CTNNA3: variants seen among roughly 807,000 people sequenced by gnomAD.
CTNNA3 encodes catenin alpha-3.
In CTNNA3, 76 loss-of-function variants were observed where a neutral mutation model predicts 95.7. The ratio of observed to expected loss-of-function variants is 0.79; its 90% CI spans 0.66 to 0.96. The LOEUF is 0.96. Among genes scored for constraint, CTNNA3 ranks in the 40% least tolerant of loss-of-function variants. The pLI, the probability that CTNNA3 is intolerant of heterozygous loss-of-function variation, is 0.00. For synonymous variants in CTNNA3, 431 were observed against 374.4 expected (o/e 1.15, Z -1.74); for missense variants, 1,191 against 1,089.8 (o/e 1.09, Z -1.31).
At chr10:67,371,011 C>T (rs918457850) in intron 5 of CTNNA3, among the ~76,000 whole-genome samples, 25 of 149,630 alleles carry the variant, frequency 1.7e-4, no homozygotes, top group African/African-American at 5.3e-4. Context: ...GGACTACAGG[C>T]GCCCGCCGCT....
At chr10:66,245,076 C>T (rs1166725113) in intron 13 of CTNNA3, among the ~76,000 whole-genome samples, 1 of 152,154 alleles carries the variant, frequency 6.6e-6, no homozygotes, top group Admixed American at 6.5e-5. Flanking sequence ...CGCTACCAGC[C>T]TAGATCCCAT....
chr10:67,051,759 T>C (rs1172641203), intron 7 of CTNNA3, among the ~76,000 whole-genome samples: 1 of 2,746 alleles, frequency 3.6e-4, no homozygotes. Flanking sequence ...TATCCTACAA[T>C]TTTTTTTTTT....
intron 7 of CTNNA3, among the ~76,000 whole-genome samples, chr10:66,864,942 T>A (rs1327249536): frequency 2.0e-5 from 3 of 152,156 alleles, no homozygotes; most frequent in Non-Finnish European, 2.9e-5. Context: ...CATTTAGATA[T>A]TTTATAGGAT....
At chr10:65,921,669 G>A (rs1487358751) in intron 17 of CTNNA3, among the ~76,000 whole-genome samples, 2 of 152,288 alleles carry the variant, frequency 1.3e-5, no homozygotes, top group African/African-American at 4.8e-5. Context: ...CCCAATCACA[G>A]GGCAGTGTGA....
At chr10:67,676,696 A>G (rs139994915) in intron 1 of CTNNA3, among the ~76,000 whole-genome samples, 2,397 of 152,280 alleles carry the variant, frequency 0.016, 64 homozygotes, top group Non-Finnish European at 0.017. Flanking sequence ...CCCATAGTTC[A>G]GTGAGACCCT....
chr10:66,953,160 C>T (rs1345871548), intron 7 of CTNNA3, among the ~76,000 whole-genome samples: 2 of 152,150 alleles, frequency 1.3e-5, no homozygotes, highest in East Asian at 3.9e-4. Context: ...AGTTGAGCCT[C>T]GCTGATGGGC....
At chr10:66,973,159 T>C (rs1372637137) in intron 7 of CTNNA3, among the ~76,000 whole-genome samples, 3 of 152,208 alleles carry the variant, frequency 2.0e-5, no homozygotes, top group Non-Finnish European at 4.4e-5. Flanking sequence ...GATTTCATAG[T>C]CTTGTAATCT....
intron 9 of CTNNA3, among the ~76,000 whole-genome samples, chr10:66,643,725 T>A (rs1319697240): frequency 6.6e-6 from 1 of 152,220 alleles, no homozygotes; most frequent in African/African-American, 2.4e-5. Context: ...CATTAACAAT[T>A]ACAAGTATTT....
At chr10:66,534,574 A>T (rs2132059217) in intron 10 of CTNNA3, among the ~76,000 whole-genome samples, 1 of 149,676 alleles carries the variant, frequency 6.7e-6, no homozygotes, top group Admixed American at 6.7e-5. Context: ...AGAGAAATAA[A>T]ATTCCCTGAG....
chr10:66,489,748 AG>A (rs1316536526), intron 11 of CTNNA3, among the ~76,000 whole-genome samples: 3 of 152,210 alleles, frequency 2.0e-5, no homozygotes, highest in African/African-American at 7.2e-5. Flanking sequence ...TAGATACTTC[AG>A]GAAGGAGCCA....
At chr10:66,573,371 G>T (rs1190379652) in intron 10 of CTNNA3, among the ~76,000 whole-genome samples, 2 of 152,174 alleles carry the variant, frequency 1.3e-5, no homozygotes, top group Non-Finnish European at 2.9e-5. Flanking sequence ...TACCAGGGTT[G>T]CTCGCAGCCC....
chr10:66,464,919 C>G (rs1017227715), intron 11 of CTNNA3, among the ~76,000 whole-genome samples: 2 of 151,978 alleles, frequency 1.3e-5, no homozygotes, highest in African/African-American at 4.8e-5. Context: ...TAAACATAAG[C>G]TCTCTATTCA....
chr10:66,499,203 G>T (rs905577179), intron 11 of CTNNA3, among the ~76,000 whole-genome samples: 1 of 152,114 alleles, frequency 6.6e-6, no homozygotes, highest in Admixed American at 6.6e-5. Context: ...AGCCTCATTT[G>T]CCACCAAAAC....
chr10:67,028,234 T>C (rs963654370), intron 7 of CTNNA3, among the ~76,000 whole-genome samples: 2 of 152,196 alleles, frequency 1.3e-5, no homozygotes, highest in African/African-American at 4.8e-5. Context: ...GGTTTGTCAT[T>C]GTTTGTTTGT....
chr10:66,758,560 C>G (rs961733955), intron 9 of CTNNA3, among the ~76,000 whole-genome samples: 8 of 152,104 alleles, frequency 5.3e-5, no homozygotes, highest in African/African-American at 1.9e-4. Context: ...TGCTTGTTAC[C>G]TCTTGACCAA....
At chr10:66,660,786 T>C (rs1846236334) in intron 9 of CTNNA3, among the ~76,000 whole-genome samples, 1 of 152,126 alleles carries the variant, frequency 6.6e-6, no homozygotes, top group Non-Finnish European at 1.5e-5. Flanking sequence ...CTACTCTCAT[T>C]ATCCCATATC....
At chr10:66,766,009 G>GGGAAAAAAAAAA in intron 9 of CTNNA3, 1 of 353,644 alleles carries the variant, frequency 2.8e-6, no homozygotes, top group Non-Finnish European at 5.1e-6. Flanking sequence ...TATTTGTAAG[G>GGGAAAAAAAAAA]ATAAATCAAA....
intron 7 of CTNNA3, among the ~76,000 whole-genome samples, chr10:66,912,098 C>G (rs1846248161): frequency 6.6e-6 from 1 of 152,032 alleles, no homozygotes; most frequent in Non-Finnish European, 1.5e-5. Flanking sequence ...TGCATACAGG[C>G]CCATACTGCA....
intron 9 of CTNNA3, among the ~76,000 whole-genome samples, chr10:66,737,664 C>A (rs1340819882): frequency 6.9e-6 from 1 of 144,718 alleles, no homozygotes; most frequent in Non-Finnish European, 1.5e-5. Flanking sequence ...AAAAGTTGTA[C>A]TTTTTTTTTT....
Sources: allele counts gnomAD v4.1 joint callset (sites outside exome capture counted in the v4.1 genomes callset), GRCh38; gene constraint gnomAD v4.1.1; transcripts MANE v1.5; gene names NCBI Gene and HGNC (gene_info 2026-07-23, HGNC 2026-07-21).